The following UGGT1 variants were observed in gnomAD, a reference collection of about 807,000 sequenced individuals.
UGGT1 encodes UDP-glucose:glycoprotein glucosyltransferase 1.
In UGGT1, 107 loss-of-function variants were observed where a neutral mutation model predicts 203.9. The ratio of observed to expected loss-of-function variants is 0.52; its 90% CI spans 0.45 to 0.62. UGGT1 has a LOEUF of 0.62. UGGT1 is among the 20% of genes least tolerant of loss of function. The pLI is 0.00. For synonymous variants in UGGT1, 628 were observed against 653.5 expected, an observed-to-expected ratio of 0.96 and a Z score of 0.59; for missense variants, 1,673 against 1,867.2, an observed-to-expected ratio of 0.90 and a Z score of 1.92.
chr2:128,132,112 G>A (rs1178949215), intron 13 of UGGT1, among the ~76,000 whole-genome samples: 1 of 151,666 alleles, frequency 6.6e-6, no homozygotes, highest in African/African-American at 2.4e-5. Context: ...TTTCATTGAG[G>A]TCTTAGCTCA....
intron 17 of UGGT1, chr2:128,145,515 CACACACACAT>C (rs1226063255): frequency 0.01 from 2,311 of 226,864 alleles, 50 homozygotes; most frequent in African/African-American, 0.059. Context: ...CACACACACA[CACACACACAT>C]ACACAAACAC....
Position 128,191,067 on chromosome 2 carries a change from C to T in UGGT1, c.*1325C>T, listed in dbSNP as rs563349648. On this transcript the variant is annotated 3_prime_UTR_variant, in exon 41 of 41. Transcript: ENST00000259253. ...ATGAGGCCCCAGCATCCGACTCCAT[C>T]TGCCAGGCTGCAGGGCACAGCAGCA... 3.7e-4 allele frequency: 57 copies of T among 152,428 alleles called. No homozygotes were observed. Among genetic ancestry groups the T allele is most frequent in the African/African-American group, 1.3e-3 (55 of 41,606 alleles). 9.4% of individuals were successfully genotyped at this position (152,428 alleles called of 1,614,324 possible). A position where few individuals can be genotyped will look rare whatever the true frequency, so the allele number is the denominator to read the frequency against.
At chr2:128,148,551 A>G (rs1252583329) in intron 18 of UGGT1, among the ~76,000 whole-genome samples, 1 of 152,288 alleles carries the variant, frequency 6.6e-6, no homozygotes, top group East Asian at 1.9e-4. Flanking sequence ...CACACTTTCC[A>G]CACTCAACCA....
At chr2:128,100,962 A>G (rs966661276) in intron 2 of UGGT1, among the ~76,000 whole-genome samples, 6 of 151,982 alleles carry the variant, frequency 3.9e-5, no homozygotes, top group Admixed American at 3.3e-4. Flanking sequence ...TATCACAGAC[A>G]TCTCCCCCTT....
chr2:128,145,521 CACAT>C (rs760763497), intron 17 of UGGT1: 5,295 of 98,758 alleles, frequency 0.054, 153 homozygotes, highest in African/African-American at 0.17. Flanking sequence ...CACACACACA[CACAT>C]ACACAAACAC....
At chr2:128,136,250 TAAG>T (rs1689125810) in intron 15 of UGGT1, among the ~76,000 whole-genome samples, 1 of 152,232 alleles carries the variant, frequency 6.6e-6, no homozygotes, top group East Asian at 1.9e-4. Context: ...TAGTTTACAT[TAAG>T]ATTTGTTATT....
intron 30 of UGGT1, among the ~76,000 whole-genome samples, chr2:128,174,148 A>G (rs138231217): frequency 2.0e-4 from 31 of 152,310 alleles, no homozygotes; most frequent in African/African-American, 6.7e-4. Flanking sequence ...ATACTCAGCT[A>G]TAACTGAATT....
At chr2:128,124,006 C>T (rs1357981841) in intron 11 of UGGT1, among the ~76,000 whole-genome samples, 4 of 152,110 alleles carry the variant, frequency 2.6e-5, no homozygotes, top group Admixed American at 2.6e-4. Flanking sequence ...AGTGCAGTGG[C>T]GTGATCTCAG....
chr2:128,186,555 C>T (rs1243666533), intron 38 of UGGT1, 128 bp from the exon 39 acceptor site: 6 of 606,186 alleles, frequency 9.9e-6, no homozygotes, highest in African/African-American at 3.8e-5. Context: ...TGCAGTGAGC[C>T]GAGATCGTAC....
intron 8 of UGGT1, among the ~76,000 whole-genome samples, chr2:128,117,197 C>T (rs1688145463): frequency 6.6e-6 from 1 of 152,042 alleles, no homozygotes; most frequent in Admixed American, 6.6e-5. Context: ...TCAAGTGATT[C>T]TCCTGCCTCA....
chr2:128,159,441 G>T, intron 22 of UGGT1, 73 bp from the exon 23 acceptor site: 2 of 1,350,660 alleles, frequency 1.5e-6, no homozygotes, highest in South Asian at 1.2e-5. Context: ...TATTGAACAT[G>T]ACTGATGTTA....
At chr2:128,171,094 CTG>C (rs1013847040) in intron 27 of UGGT1, 109 bp from the exon 28 acceptor site, 10 of 983,366 alleles carry the variant, frequency 1.0e-5, no homozygotes, top group Non-Finnish European at 7.5e-6. Context: ...AGTGCAGACT[CTG>C]TGGCTGTTAT....
At chr2:128,097,686 C>CA in intron 2 of UGGT1, 122 bp downstream of exon 2, 5 of 1,250,396 alleles carry the variant, frequency 4.0e-6, no homozygotes, top group Non-Finnish European at 5.5e-6. Context: ...GAGCCTCTTT[C>CA]AGTGTATACT....
chr2:128,134,669 G>A (rs1052038391), intron 14 of UGGT1, among the ~76,000 whole-genome samples: 2 of 152,200 alleles, frequency 1.3e-5, no homozygotes, highest in Admixed American at 6.5e-5. Flanking sequence ...ATCAGCGTAA[G>A]TCCATGAGAA....
Position 128,166,303 on chromosome 2 carries a change from G to A in UGGT1, c.2921+1478G>A, listed in dbSNP as rs148617531. On this transcript the variant is annotated intron_variant, in intron 26 of 40. Transcript: ENST00000259253. ...AACTGCTTTAGTAGTTTATTTATATGTTTGCATACACACGGTCATATTTTT... is the reference window on the plus strand; with the variant it reads ...AACTGCTTTAGTAGTTTATTTATATATTTGCATACACACGGTCATATTTTT... Among the ~76,000 whole-genome samples, 533 of 152,238 alleles carry A rather than the reference G, an allele frequency of 3.5e-3. 1 individual carries two copies. The highest frequency in any genetic ancestry group is 6.8e-3 in the Middle Eastern group (2 of 294).
chr2:128,116,445 C>A, intron 8 of UGGT1, 102 bp downstream of exon 8: 1 of 744,886 alleles, frequency 1.3e-6, no homozygotes, highest in South Asian at 1.6e-5. Context: ...GTCTGAGTTT[C>A]TCATCTCCTA....
intron 29 of UGGT1, among the ~76,000 whole-genome samples, 181 bp downstream of exon 29, chr2:128,172,943 G>A (rs1282586959): frequency 6.6e-6 from 1 of 152,106 alleles, no homozygotes; most frequent in Non-Finnish European, 1.5e-5. Context: ...CAGTTGAGAG[G>A]TTTTAGTATC....
Position 128,173,836 on chromosome 2 carries a change from A to G in UGGT1, c.3350A>G (p.His1117Arg). 6.2e-7 allele frequency: 1 copy of G among 1,614,178 alleles called. No homozygotes were observed. ...CTGGAATACCTGTTACTGGAAGGTC[A>G]TTGCTACGACATCACCACAGGCCAG... ...YELEYLLLEG[H>R]CYDITTGQPP... is the part of the protein sequence containing the mutation. The change falls in exon 30 of 41, where the codon CAT (histidine) becomes CGT (arginine). Residue 1117 changes from histidine (H) to arginine (R), a missense_variant. By Grantham distance (29) the His-to-Arg change is conservative. Transcript: ENST00000259253.
intron 13 of UGGT1, among the ~76,000 whole-genome samples, chr2:128,129,769 A>G (rs192717097): frequency 3.9e-5 from 6 of 152,168 alleles, no homozygotes; most frequent in Admixed American, 6.5e-5. Context: ...AAAAGCGTTT[A>G]GTTTGTATTT....
Sources: allele counts gnomAD v4.1 joint callset (sites outside exome capture counted in the v4.1 genomes callset), GRCh38; gene constraint gnomAD v4.1.1; transcripts MANE v1.5; gene names NCBI Gene and HGNC (gene_info 2026-07-23, HGNC 2026-07-21).